Variants in AUTS2 observed in about 807,000 individuals in gnomAD.
The protein encoded by AUTS2 is activator of transcription and developmental regulator AUTS2.
A neutral mutation model predicts 112.4 loss-of-function variants in AUTS2; 17 were observed. That is an observed-to-expected ratio of 0.15 (90% CI 0.10 to 0.23). The LOEUF (loss-of-function observed/expected upper bound fraction) is 0.23, where lower values mean the gene tolerates loss of function less well. Ranked by LOEUF, AUTS2 falls within the 10% of genes least tolerant of loss-of-function variation. The pLI is 1.00. For missense variants in AUTS2, 1,510 were observed against 1,701.6 expected, an observed-to-expected ratio of 0.89 and a Z score of 1.98; for synonymous variants, 751 against 702.7, an observed-to-expected ratio of 1.07 and a Z score of -1.09.
intron 1 of AUTS2, among the ~76,000 whole-genome samples, chr7:69,799,175 T>C (rs549594926): frequency 6.6e-6 from 1 of 152,188 alleles, no homozygotes; most frequent in African/African-American, 2.4e-5. Flanking sequence ...TGGAGTTAAG[T>C]CTGTACCACC....
At chr7:70,054,095 C>T (rs999327803) in intron 2 of AUTS2, among the ~76,000 whole-genome samples, 27 of 152,120 alleles carry the variant, frequency 1.8e-4, no homozygotes, top group Non-Finnish European at 1.3e-4. Context: ...CTATTCAATT[C>T]GGTAGCTACT....
chr7:70,333,350 C>T (rs1301957463), intron 4 of AUTS2, among the ~76,000 whole-genome samples: 1 of 152,178 alleles, frequency 6.6e-6, no homozygotes, highest in Non-Finnish European at 1.5e-5. Context: ...TGCTTTTACA[C>T]TGTTGGTGGG....
chr7:70,110,859 C>CTTTTTTTTTTTTTT (rs71077618), intron 2 of AUTS2, among the ~76,000 whole-genome samples: 12 of 82,798 alleles, frequency 1.4e-4, no homozygotes, highest in African/African-American at 2.6e-4. Context: ...TTCTTTCTTT[C>CTTTTTTTTTTTTTT]TTTTTTTTTT....
intron 1 of AUTS2, among the ~76,000 whole-genome samples, chr7:69,631,956 G>A (rs1320680243): frequency 6.6e-6 from 1 of 152,098 alleles, no homozygotes; most frequent in Non-Finnish European, 1.5e-5. Context: ...TGTACTCATT[G>A]AATTCATGTT....
chr7:70,228,277 A>G (rs757768610), intron 4 of AUTS2, among the ~76,000 whole-genome samples: 20 of 151,712 alleles, frequency 1.3e-4, no homozygotes, highest in Admixed American at 2.6e-4. Context: ...TATTGTTCAC[A>G]TACTGTTTTT....
Position 70,790,149 on chromosome 7 carries a change from C to T in AUTS2, c.2933C>T (p.Ser978Phe), listed in dbSNP as rs1339956624. Residue 978 changes from serine (S) to phenylalanine (F), a missense_variant, in exon 19 of 19, where the codon TCC becomes TTC. Physicochemically the swap from Ser to Phe is radical, Grantham distance 155. Around this residue, in one of 3 missense-constraint regions of AUTS2, gnomAD observed 788 missense variants for 797.6 expected, o/e 0.99. Coordinates refer to ENST00000342771, the MANE Select transcript of AUTS2 (RefSeq NM_015570.4). This position sits in a 1 kb window ranked among gnomAD's most constrained non-coding sequence, Gnocchi z 7.6. ...EPAYENPKKS[S>F]EVKVKEERKE... ...GCCTACGAGAACCCCAAGAAGAGCT[C>T]CGAGGTCAAGGTGAAGGAGGAGCGG... is the stretch of plus-strand genomic sequence containing the variant. The T allele has an allele frequency of 6.2e-7, 1 of 1,610,868 alleles. No individual in the cohort carries two copies. The highest frequency in any genetic ancestry group is 1.1e-5 in the South Asian group (1 of 90,774).
intron 13 of AUTS2, chr7:70,776,692 C>T (rs1248544815): frequency 7.7e-6 from 2 of 258,640 alleles, no homozygotes; most frequent in East Asian, 2.5e-4. Flanking sequence ...GACTCACAGA[C>T]ATTCACTAAT....
At chr7:70,480,404 A>G (rs1585195470) in intron 5 of AUTS2, among the ~76,000 whole-genome samples, 1 of 152,236 alleles carries the variant, frequency 6.6e-6, no homozygotes, top group Non-Finnish European at 1.5e-5. Flanking sequence ...TTGCCAATCT[A>G]CATGGCCATA....
chr7:70,636,268 C>T (rs1204098258), intron 5 of AUTS2, among the ~76,000 whole-genome samples: 1 of 152,220 alleles, frequency 6.6e-6, no homozygotes, highest in African/African-American at 2.4e-5. Context: ...TGTGGTCCCT[C>T]ACCAGCAGCA....
At chr7:70,167,949 G>A (rs566936721) in intron 4 of AUTS2, among the ~76,000 whole-genome samples, 8 of 152,156 alleles carry the variant, frequency 5.3e-5, no homozygotes, top group South Asian at 2.1e-4. Flanking sequence ...ACATTCTCTC[G>A]GAATTTATAT....
intron 1 of AUTS2, among the ~76,000 whole-genome samples, chr7:69,876,349 A>AAAAAATATATATAT (rs1554396465): frequency 3.4e-5 from 1 of 29,494 alleles, no homozygotes; most frequent in African/African-American, 1.5e-4. Flanking sequence ...AAAAAAAAAA[A>AAAAAATATATATAT]ATATATATAT....
chr7:70,254,113 T>C (rs1332134451), intron 4 of AUTS2, among the ~76,000 whole-genome samples: 1 of 152,182 alleles, frequency 6.6e-6, no homozygotes, highest in Admixed American at 6.5e-5. Flanking sequence ...ATTTTAAACT[T>C]CATTCTGTTT....
chr7:70,156,749 T>C (rs1034268163), intron 4 of AUTS2, among the ~76,000 whole-genome samples: 2 of 151,578 alleles, frequency 1.3e-5, no homozygotes, highest in Non-Finnish European at 2.9e-5. Flanking sequence ...CTTTGTATCA[T>C]TGTGAAAAAG....
At chr7:69,605,609 A>G (rs1792676154) in intron 1 of AUTS2, among the ~76,000 whole-genome samples, 1 of 152,238 alleles carries the variant, frequency 6.6e-6, no homozygotes, top group Non-Finnish European at 1.5e-5. Context: ...TTGATGTTAA[A>G]ACAACGATTT....
At chr7:70,300,517 G>T (rs771344344) in intron 4 of AUTS2, among the ~76,000 whole-genome samples, 1 of 152,130 alleles carries the variant, frequency 6.6e-6, no homozygotes, top group Non-Finnish European at 1.5e-5. Context: ...TGCTTCTCAG[G>T]AATGTCACCA....
chr7:70,520,631 G>T (rs1015845478), intron 5 of AUTS2, among the ~76,000 whole-genome samples: 1 of 152,068 alleles, frequency 6.6e-6, no homozygotes. Flanking sequence ...AATTTCCTTC[G>T]CAGTACTTTC....
chr7:70,324,838 A>G (rs1314638405), intron 4 of AUTS2, among the ~76,000 whole-genome samples: 2 of 152,192 alleles, frequency 1.3e-5, no homozygotes, highest in Admixed American at 6.5e-5. Flanking sequence ...TGCTATGTGT[A>G]TATTTTTTCT....
At chr7:70,583,751 C>T (rs1160477218) in intron 5 of AUTS2, among the ~76,000 whole-genome samples, 3 of 152,218 alleles carry the variant, frequency 2.0e-5, no homozygotes, top group Non-Finnish European at 4.4e-5. Flanking sequence ...CTCTGTCCTT[C>T]TGGGCGAGCC....
chr7:70,043,289 A>G (rs1410118789), intron 2 of AUTS2, among the ~76,000 whole-genome samples: 2 of 152,124 alleles, frequency 1.3e-5, no homozygotes, highest in East Asian at 3.9e-4. Context: ...TGCCAGGGTC[A>G]TATTGTAAGA....
Sources: gnomAD v4.1 joint callset for allele counts (sites outside exome capture counted in the v4.1 genomes callset) on GRCh38, gnomAD v4.1.1 for gene constraint, gnomAD v4.1.1 regional missense constraint, Gnocchi (gnomAD v3.1) non-coding constraint, MANE v1.5 for transcripts, NCBI Gene and HGNC (gene_info 2026-07-23, HGNC 2026-07-21) for gene names.